The following PPARGC1B variants were observed in gnomAD, a reference collection of about 807,000 sequenced individuals.
PPARGC1B encodes PPARG coactivator 1 beta, also known as peroxisome proliferator-activated receptor gamma coactivator 1-beta.
In PPARGC1B, 34 loss-of-function variants were observed where a neutral mutation model predicts 101.6. The observed-to-expected ratio is 0.33, with a 90% CI of 0.25 to 0.45. The LOEUF is 0.45. Among genes scored for constraint, PPARGC1B ranks in the 20% least tolerant of loss-of-function variants. The pLI is 1.00. For synonymous variants in PPARGC1B, 548 were observed against 539.3 expected (o/e 1.02, Z -0.22); for missense variants, 1,234 against 1,317.6 (o/e 0.94, Z 0.98).
chr5:149,845,043 T>C (rs1228861193), intron 10 of PPARGC1B, among the ~76,000 whole-genome samples: 1 of 152,144 alleles, frequency 6.6e-6, no homozygotes, highest in Non-Finnish European at 1.5e-5. Context: ...TAAACAGGCT[T>C]ATCCTTGAAC....
intron 6 of PPARGC1B, among the ~76,000 whole-genome samples, 172 bp downstream of exon 6, chr5:149,834,882 T>TG (rs1391718042): frequency 6.6e-6 from 1 of 152,158 alleles, no homozygotes; most frequent in Non-Finnish European, 1.5e-5. Context: ...AGAAGGGAGT[T>TG]GGTGTTTAGA....
chr5:149,815,076 GA>G (rs1272567248), intron 1 of PPARGC1B, among the ~76,000 whole-genome samples: 2 of 152,234 alleles, frequency 1.3e-5, no homozygotes, highest in East Asian at 3.8e-4. Flanking sequence ...CTCACTTTCG[GA>G]AGCAGGATGG....
chr5:149,836,934 G>T lies in PPARGC1B; in HGVS notation c.2479G>T (p.Val827Phe), dbSNP rs45628534. Residue 827 changes from valine (V) to phenylalanine (F), a missense_variant, in exon 8 of 12, where the codon GTC (valine) becomes TTC (phenylalanine). By Grantham distance (50) the Val-to-Phe change is conservative. Transcript: ENST00000309241. ...GGACGATGAAGAAGAGGACTCAGGG[G>T]TCAGCCCCACTTGCTCTGACCACTG... is the stretch of plus-strand genomic sequence containing the variant. Reference protein sequence around the residue: ...EEDDEEEDSGVSPTCSDHCPY... With the variant: ...EEDDEEEDSGFSPTCSDHCPY... 1.4e-4 allele frequency: 229 copies of T among 1,613,902 alleles called. 1 individual carries two copies. In the African/African-American group the frequency reaches 2.8e-3, roughly 20 times the overall value.
At chr5:149,834,277 CT>C (rs1484900717) in intron 5 of PPARGC1B, among the ~76,000 whole-genome samples, 1 of 152,218 alleles carries the variant, frequency 6.6e-6, no homozygotes, top group Non-Finnish European at 1.5e-5. Flanking sequence ...AGAAGGCTCT[CT>C]GGTAGGGACT....
chr5:149,819,483 TG>T (rs1262675644), intron 1 of PPARGC1B, among the ~76,000 whole-genome samples: 1 of 148,204 alleles, frequency 6.7e-6, no homozygotes, highest in African/African-American at 2.6e-5. Flanking sequence ...TTTGTTTGTT[TG>T]TTTGTTTTTG....
At chr5:149,753,289 C>T (rs1755384371) in intron 1 of PPARGC1B, among the ~76,000 whole-genome samples, 1 of 152,082 alleles carries the variant, frequency 6.6e-6, no homozygotes, top group African/African-American at 2.4e-5. Flanking sequence ...TCACAGCAAC[C>T]TCTGCCTCCC....
intron 1 of PPARGC1B, among the ~76,000 whole-genome samples, chr5:149,768,202 G>T (rs530893305): frequency 1.1e-4 from 17 of 152,160 alleles, no homozygotes; most frequent in African/African-American, 3.6e-4. Flanking sequence ...AATCCAGAAC[G>T]TATGGAGATT....
intron 10 of PPARGC1B, among the ~76,000 whole-genome samples, chr5:149,842,937 G>A (rs1248517149): frequency 1.3e-5 from 2 of 152,206 alleles, no homozygotes; most frequent in African/African-American, 4.8e-5. Flanking sequence ...GGAGGCCAAG[G>A]CAGGCAGATC....
At chr5:149,770,517 T>G (rs962423066) in intron 1 of PPARGC1B, among the ~76,000 whole-genome samples, 2 of 152,224 alleles carry the variant, frequency 1.3e-5, no homozygotes, top group Admixed American at 1.3e-4. Flanking sequence ...GGCAAGTAAC[T>G]TAACCTCTTA....
chr5:149,799,281 A>G (rs996631954), intron 1 of PPARGC1B, among the ~76,000 whole-genome samples: 1 of 152,112 alleles, frequency 6.6e-6, no homozygotes, highest in African/African-American at 2.4e-5. Context: ...TGCTTGAGTC[A>G]TTTCCCAGGG....
intron 1 of PPARGC1B, among the ~76,000 whole-genome samples, chr5:149,755,180 A>T (rs1755471894): frequency 6.6e-6 from 1 of 151,318 alleles, no homozygotes; most frequent in Admixed American, 6.6e-5. Flanking sequence ...AAGTGCTGGG[A>T]TTACAGGCGT....
intron 2 of PPARGC1B, among the ~76,000 whole-genome samples, chr5:149,823,329 A>C (rs898414141): frequency 6.6e-6 from 1 of 152,066 alleles, no homozygotes; most frequent in Non-Finnish European, 1.5e-5. Context: ...TAGGAGAGGG[A>C]GTGGCCAATT....
intron 3 of PPARGC1B, among the ~76,000 whole-genome samples, chr5:149,827,148 G>A (rs559329068): frequency 1.3e-5 from 2 of 152,332 alleles, no homozygotes; most frequent in Admixed American, 6.5e-5. Flanking sequence ...ACCAAGTTAC[G>A]TGTTAAATCC....
At chr5:149,847,227 C>T in intron 11 of PPARGC1B, 1 of 659,658 alleles carries the variant, frequency 1.5e-6, no homozygotes, top group East Asian at 2.8e-5. Context: ...TTTGGGCCTC[C>T]AGGTCTCTAG....
intron 3 of PPARGC1B, among the ~76,000 whole-genome samples, chr5:149,828,794 C>G (rs905966069): frequency 6.6e-6 from 1 of 152,182 alleles, no homozygotes; most frequent in South Asian, 2.1e-4. Flanking sequence ...TACCTGTAAT[C>G]CCAACACTTT....
intron 1 of PPARGC1B, among the ~76,000 whole-genome samples, chr5:149,771,220 G>A (rs1381861984): frequency 6.6e-6 from 1 of 152,214 alleles, no homozygotes; most frequent in East Asian, 1.9e-4. Context: ...GGCAGCCACT[G>A]CCTGGTCACA....
At chr5:149,806,276 C>T (rs1197285154) in intron 1 of PPARGC1B, among the ~76,000 whole-genome samples, 2 of 152,198 alleles carry the variant, frequency 1.3e-5, no homozygotes, top group Non-Finnish European at 2.9e-5. Context: ...GACAGCAAGG[C>T]GGCAGTCAGC....
chr5:149,839,983 C>G, intron 8 of PPARGC1B, 58 bp from the exon 9 acceptor site: 2 of 1,556,856 alleles, frequency 1.3e-6, no homozygotes, highest in Non-Finnish European at 1.8e-6. Flanking sequence ...CAGATCCGCC[C>G]CCACCCCCAT....
rs188605751 is a variant in PPARGC1B at position 149,749,766 on chromosome 5, C to G, written c.78+19346C>G. Among the ~76,000 whole-genome samples, 44 of 152,296 alleles carry G rather than the reference C, an allele frequency of 2.9e-4. No individual in the cohort carries two copies. The South Asian group carries it at 3.1e-3, about 11-fold the overall frequency. On this transcript the variant is annotated intron_variant, in intron 1 of 11. Transcript: ENST00000309241. The stretch of plus-strand genomic sequence containing the variant: ...TGTGACCTTGGACAGGTCTCGCCCC[C>G]TCTCTGGCCCTGAGTTTCCTAATCT...
Sources: gnomAD v4.1 joint callset for allele counts (sites outside exome capture counted in the v4.1 genomes callset) on GRCh38, gnomAD v4.1.1 for gene constraint, MANE v1.5 for transcripts, NCBI Gene and HGNC (gene_info 2026-07-23, HGNC 2026-07-21) for gene names.